Variants in TRPC3 observed in about 807,000 individuals in gnomAD.
TRPC3 encodes short transient receptor potential channel 3.
A neutral mutation model predicts 90.9 loss-of-function variants in TRPC3; 54 were observed. The ratio of observed to expected loss-of-function variants is 0.59; its 90% confidence interval spans 0.48 to 0.75. The LOEUF (loss-of-function observed/expected upper bound fraction) is 0.75. Ranked by LOEUF, TRPC3 falls within the 30% of genes least tolerant of loss-of-function variation. TRPC3 has a pLI of 0.00. For missense variants in TRPC3, 918 were observed against 1,194.5 expected, an observed-to-expected ratio of 0.77 and a Z score of 3.41; for synonymous variants, 424 against 450.9, an observed-to-expected ratio of 0.94 and a Z score of 0.75.
At chr4:121,933,240 AGAAG>A (rs573075183) in intron 1 of TRPC3, 198 bp from the exon 2 acceptor site, 3 of 1,173,684 alleles carry the variant, frequency 2.6e-6, no homozygotes, top group Non-Finnish European at 3.3e-6. Flanking sequence ...GCTAGATCCC[AGAAG>A]GAAGCCGGCA....
chr4:121,919,495 T>C (rs1259616159), intron 3 of TRPC3, among the ~76,000 whole-genome samples: 2 of 152,190 alleles, frequency 1.3e-5, no homozygotes, highest in East Asian at 3.9e-4. Context: ...ACTTGCTGAG[T>C]GCAAAATGCT....
intron 9 of TRPC3, 83 bp from the exon 10 acceptor site, chr4:121,899,778 A>C: frequency 1.9e-6 from 2 of 1,072,150 alleles, no homozygotes; most frequent in Non-Finnish European, 2.8e-6. Context: ...CTCCTTGATA[A>C]CATTTCTGGA....
chr4:121,880,121 C>T (rs1262806801), intron 11 of TRPC3, among the ~76,000 whole-genome samples: 2 of 152,024 alleles, frequency 1.3e-5, no homozygotes, highest in African/African-American at 4.8e-5. Flanking sequence ...AAAGTATTGT[C>T]CTTTTGTTGA....
chr4:121,936,059 T>C (rs1730118414), intron 1 of TRPC3, among the ~76,000 whole-genome samples: 1 of 152,212 alleles, frequency 6.6e-6, no homozygotes. Context: ...CACTGAGAAG[T>C]GAGATATCTC....
At chr4:121,918,283 C>CT (rs1311401397) in intron 3 of TRPC3, among the ~76,000 whole-genome samples, 1 of 152,130 alleles carries the variant, frequency 6.6e-6, no homozygotes, top group Non-Finnish European at 1.5e-5. Flanking sequence ...AAGTTTTGTT[C>CT]TTATAAGTCT....
chr4:121,946,480 A>G (rs1222300720), intron 1 of TRPC3, among the ~76,000 whole-genome samples: 1 of 152,230 alleles, frequency 6.6e-6, no homozygotes, highest in South Asian at 2.1e-4. Flanking sequence ...TAGTCATACT[A>G]TACTACTTGA....
intron 9 of TRPC3, among the ~76,000 whole-genome samples, chr4:121,900,030 A>C (rs1728650619): frequency 6.6e-6 from 1 of 152,162 alleles, no homozygotes; most frequent in Non-Finnish European, 1.5e-5. Context: ...TAGAAGGCCA[A>C]ATTCCATAGA....
chr4:121,894,922 A>G (rs920206586), intron 10 of TRPC3, among the ~76,000 whole-genome samples: 2 of 152,108 alleles, frequency 1.3e-5, no homozygotes, highest in African/African-American at 4.8e-5. Context: ...AGGACATAAA[A>G]CAAGTCTCAG....
In TRPC3 at chr4:121,949,502, C is replaced by G. The variant is rs146800225; in HGVS notation, c.215+1964G>C. 1.2e-3 allele frequency among the ~76,000 whole-genome samples: 188 copies of G among 152,238 alleles called. 1 individual carries two copies. Among genetic ancestry groups the G allele is most frequent in the African/African-American group, 4.3e-3 (177 of 41,526 alleles). The stretch of plus-strand genomic sequence containing the variant: ...GAGTCCATCCTAGGGCTGTCGTGTT[C>G]ACTTTTAAACAACAATAAATAAACA... On this transcript the variant is annotated intron_variant, in intron 1 of 11. Coordinates refer to ENST00000379645, the MANE Select transcript of TRPC3 (RefSeq NM_001130698.2).
At chr4:121,889,341 T>C (rs1474695597) in intron 10 of TRPC3, among the ~76,000 whole-genome samples, 1 of 152,152 alleles carries the variant, frequency 6.6e-6, no homozygotes, top group Non-Finnish European at 1.5e-5. Flanking sequence ...AAGGGGTTAA[T>C]ATCCAGAATA....
chr4:121,936,732 A>G (rs951165756), intron 1 of TRPC3, among the ~76,000 whole-genome samples: 5 of 152,100 alleles, frequency 3.3e-5, no homozygotes, highest in African/African-American at 4.8e-5. Flanking sequence ...CTCCTATGTA[A>G]GGAAACATTG....
rs1727768733 is a variant in TRPC3 at position 121,876,582 on chromosome 4, A to T, written c.*3154T>A. 6.6e-6 allele frequency among the ~76,000 whole-genome samples: 1 copy of T among 152,230 alleles called. No individual in the cohort carries two copies. The highest frequency in any genetic ancestry group is 1.5e-5 in the Non-Finnish European group (1 of 68,044). On this transcript the variant is annotated 3_prime_UTR_variant, in exon 12 of 12. Coordinates refer to ENST00000379645, the MANE Select transcript of TRPC3 (RefSeq NM_001130698.2). Reference sequence around the variant, plus strand: ...CTTGGCTTGCACATTTGAAATATAAATATATTGACATATTGGGTAAGATAG... The same window carrying T: ...CTTGGCTTGCACATTTGAAATATAATTATATTGACATATTGGGTAAGATAG...
At position 121,927,053 on chromosome 4, in the gene TRPC3, T is replaced by A. The variant is rs1430085075; in HGVS notation, c.988-1847A>T. Among the ~76,000 whole-genome samples, 6 of 152,146 alleles carry A rather than the reference T, an allele frequency of 3.9e-5. No individual in the cohort carries two copies. The South Asian group carries it at 8.3e-4, about 21-fold the overall frequency. On this transcript the variant is annotated intron_variant, in intron 2 of 11. Transcript: ENST00000379645. ...ATACAGAGGGTTTTTTGTTTGTTTG[T>A]TTGTCTGAAGGGCATATTACTGTGC...
At chr4:121,942,425 G>A (rs1322461730) in intron 1 of TRPC3, among the ~76,000 whole-genome samples, 2 of 152,156 alleles carry the variant, frequency 1.3e-5, no homozygotes, top group Non-Finnish European at 2.9e-5. Flanking sequence ...AGCTGGGCAT[G>A]GTGGTGCATG....
intron 10 of TRPC3, among the ~76,000 whole-genome samples, chr4:121,892,835 A>G (rs1728376332): frequency 6.6e-6 from 1 of 152,114 alleles, no homozygotes; most frequent in African/African-American, 2.4e-5. Context: ...GAAATAAGGA[A>G]GAGGTTGGGT....
chr4:121,889,363 T>TA (rs1202409465), intron 10 of TRPC3, among the ~76,000 whole-genome samples: 1 of 151,984 alleles, frequency 6.6e-6, no homozygotes, highest in Non-Finnish European at 1.5e-5. Flanking sequence ...ATAAGAAACT[T>TA]AAACAACTCA....
At chr4:121,926,320 C>T (rs1235125396) in intron 2 of TRPC3, among the ~76,000 whole-genome samples, 1 of 152,196 alleles carries the variant, frequency 6.6e-6, no homozygotes, top group African/African-American at 2.4e-5. Flanking sequence ...TTCTTTACCT[C>T]CCTGAATACA....
chr4:121,906,391 G>A (rs997722115), intron 7 of TRPC3, among the ~76,000 whole-genome samples: 10 of 152,156 alleles, frequency 6.6e-5, no homozygotes, highest in African/African-American at 1.9e-4. Flanking sequence ...GGATCACATT[G>A]TGTACAAGAT....
chr4:121,916,444 A>G (rs1729320606), intron 3 of TRPC3, among the ~76,000 whole-genome samples: 1 of 152,168 alleles, frequency 6.6e-6, no homozygotes, highest in Non-Finnish European at 1.5e-5. Context: ...TTAGATTTGA[A>G]ATAATTAACT....
Sources: gnomAD v4.1 joint callset for allele counts (sites outside exome capture counted in the v4.1 genomes callset) on GRCh38, gnomAD v4.1.1 for gene constraint, MANE v1.5 for transcripts, NCBI Gene and HGNC (gene_info 2026-07-23, HGNC 2026-07-21) for gene names.